Variants in GRM8 observed in about 807,000 individuals in gnomAD.
GRM8 encodes glutamate metabotropic receptor 8.
Under a neutral mutation model 87.2 loss-of-function variants are expected in GRM8, and 47 were observed. The observed-to-expected ratio is 0.54, with a 90% CI of 0.43 to 0.69. The LOEUF (loss-of-function observed/expected upper bound fraction) is 0.69. GRM8 is among the 30% of genes least tolerant of loss of function. GRM8 has a pLI of 0.00. For synonymous variants in GRM8, 396 were observed against 404.5 expected (o/e 0.98, Z 0.25); for missense variants, 1,019 against 1,139.2 (o/e 0.89, Z 1.52).
At chr7:126,667,201 A>G (rs11764888) in intron 7 of GRM8, among the ~76,000 whole-genome samples, 20,358 of 152,242 alleles carry the variant, frequency 0.13, 1,742 homozygotes, top group Non-Finnish European at 0.18. Context: ...TCACTCTACA[A>G]TAAAGTAAAC....
intron 6 of GRM8, among the ~76,000 whole-genome samples, chr7:126,823,242 C>T (rs972967474): frequency 2.0e-5 from 3 of 152,164 alleles, no homozygotes; most frequent in Non-Finnish European, 2.9e-5. Flanking sequence ...AACATATAGC[C>T]GTAGCTGTTT....
intron 7 of GRM8, among the ~76,000 whole-genome samples, chr7:126,741,835 T>C (rs1457002788): frequency 1.3e-5 from 2 of 152,116 alleles, no homozygotes; most frequent in Non-Finnish European, 2.9e-5. Flanking sequence ...ATCCCAATGC[T>C]GTCACCTACT....
intron 2 of GRM8, among the ~76,000 whole-genome samples, chr7:127,115,006 G>A (rs754634514): frequency 6.6e-6 from 1 of 152,136 alleles, no homozygotes; most frequent in Non-Finnish European, 1.5e-5. Context: ...CCCTAAGAGA[G>A]AGAGCAGTTA....
chr7:126,521,627 C>T (rs1733436959), intron 9 of GRM8, among the ~76,000 whole-genome samples: 1 of 151,852 alleles, frequency 6.6e-6, no homozygotes, highest in African/African-American at 2.4e-5. Flanking sequence ...GCAAGGCACT[C>T]AAAATTACAC....
chr7:126,763,993 A>G (rs1817914659), intron 7 of GRM8, among the ~76,000 whole-genome samples: 1 of 151,892 alleles, frequency 6.6e-6, no homozygotes, highest in Admixed American at 6.6e-5. Context: ...TTTGCCAAAG[A>G]AAAAAAGCGT....
intron 7 of GRM8, among the ~76,000 whole-genome samples, chr7:126,736,859 C>T (rs536357078): frequency 3.2e-4 from 49 of 152,116 alleles, no homozygotes; most frequent in Middle Eastern, 6.8e-3. Context: ...AAAATACAGT[C>T]TTTCTCATTC....
chr7:126,979,473 CTG>C (rs1811318740), intron 3 of GRM8, among the ~76,000 whole-genome samples: 1 of 152,150 alleles, frequency 6.6e-6, no homozygotes, highest in South Asian at 2.1e-4. Flanking sequence ...CTTTCCTCAA[CTG>C]TGAATTCCTG....
chr7:126,690,482 T>C (rs1262866182), intron 7 of GRM8, among the ~76,000 whole-genome samples: 1 of 152,156 alleles, frequency 6.6e-6, no homozygotes, highest in African/African-American at 2.4e-5. Flanking sequence ...CCCAGAAGCT[T>C]GAAGACACCA....
At chr7:126,752,168 T>C (rs1056389440) in intron 7 of GRM8, among the ~76,000 whole-genome samples, 1 of 152,104 alleles carries the variant, frequency 6.6e-6, no homozygotes, top group Admixed American at 6.6e-5. Context: ...CAGTGGCATG[T>C]GCCTGTATTC....
intron 9 of GRM8, among the ~76,000 whole-genome samples, chr7:126,526,830 C>T (rs1004357585): frequency 8.5e-5 from 13 of 152,200 alleles, no homozygotes; most frequent in African/African-American, 2.9e-4. Flanking sequence ...TTCCATGCTT[C>T]CTCTGAATCT....
intron 3 of GRM8, among the ~76,000 whole-genome samples, chr7:127,082,544 G>T (rs1000135097): frequency 3.3e-5 from 5 of 152,084 alleles, no homozygotes; most frequent in Admixed American, 2.6e-4. Context: ...TTACCTATTA[G>T]TTCAATGTGC....
At chr7:126,677,269 G>T (rs1047513308) in intron 7 of GRM8, among the ~76,000 whole-genome samples, 8 of 151,242 alleles carry the variant, frequency 5.3e-5, no homozygotes, top group Non-Finnish European at 1.0e-4. Context: ...AACTAGTACA[G>T]CCTCTATAGA....
intron 7 of GRM8, among the ~76,000 whole-genome samples, chr7:126,682,826 G>A (rs555567050): frequency 1.4e-4 from 22 of 152,268 alleles, no homozygotes; most frequent in South Asian, 6.2e-4. Context: ...CGAGGCAGGC[G>A]GATCACGAGG....
chr7:126,495,120 G>A (rs2150662788), intron 9 of GRM8, among the ~76,000 whole-genome samples: 1 of 152,046 alleles, frequency 6.6e-6, no homozygotes, highest in African/African-American at 2.4e-5. Flanking sequence ...AACAGTTCTG[G>A]TACAGAGCCA....
At chr7:126,947,260 G>T (rs1586560598) in intron 3 of GRM8, among the ~76,000 whole-genome samples, 1 of 152,206 alleles carries the variant, frequency 6.6e-6, no homozygotes, top group East Asian at 1.9e-4. Flanking sequence ...GTAATCAAAG[G>T]TGTTTAATAT....
intron 8 of GRM8, among the ~76,000 whole-genome samples, chr7:126,601,453 G>A (rs186585855): frequency 1.2e-3 from 190 of 152,212 alleles, no homozygotes; most frequent in South Asian, 4.6e-3. Context: ...ACCCAGTAAT[G>A]GGATGGCTGG....
chr7:127,119,344 G>A (rs1215893309), intron 2 of GRM8, among the ~76,000 whole-genome samples: 1 of 152,074 alleles, frequency 6.6e-6, no homozygotes, highest in Non-Finnish European at 1.5e-5. Flanking sequence ...AAATTAGCCA[G>A]GCATGGTGGT....
At chr7:126,839,553 T>A (rs900667094) in intron 6 of GRM8, among the ~76,000 whole-genome samples, 2 of 152,132 alleles carry the variant, frequency 1.3e-5, no homozygotes, top group African/African-American at 4.8e-5. Flanking sequence ...AAGTTTTTCA[T>A]CAGCTGAGAA....
At chr7:127,153,376 T>C (rs1193840053) in intron 2 of GRM8, among the ~76,000 whole-genome samples, 1 of 152,064 alleles carries the variant, frequency 6.6e-6, no homozygotes, top group Non-Finnish European at 1.5e-5. Flanking sequence ...AGTATGAGAA[T>C]GTAGAAGATC....
Sources: allele counts gnomAD v4.1 joint callset (sites outside exome capture counted in the v4.1 genomes callset), GRCh38; gene constraint gnomAD v4.1.1; transcripts MANE v1.5; gene names NCBI Gene and HGNC (gene_info 2026-07-23, HGNC 2026-07-21).